The following RBM41 variants were observed in gnomAD, a reference collection of about 807,000 sequenced individuals.
RBM41 encodes the protein RNA binding motif protein 41.
In RBM41, 14 loss-of-function variants were observed where a neutral mutation model predicts 30.8. The observed-to-expected ratio is 0.45, with a 90% CI of 0.30 to 0.71. RBM41 has a LOEUF of 0.71. Ranked by LOEUF, RBM41 falls within the 30% of genes least tolerant of loss-of-function variation. The pLI is 0.08. For missense variants in RBM41, 276 were observed against 326.3 expected, an observed-to-expected ratio of 0.85 and a Z score of 1.19; for synonymous variants, 120 against 110.1, an observed-to-expected ratio of 1.09 and a Z score of -0.56.
In RBM41 at chrX:107,083,680, C is replaced by G. The variant is rs983351659; in HGVS notation, c.999+4756G>C. On this transcript the variant is annotated intron_variant, in intron 6 of 7. Transcript: ENST00000685964. Reference sequence around the variant, plus strand: ...TCCTTCCTTGGCTGTTTCCAACTTACTGATGAGCCTATCAAAGGCATTCTT... The same window carrying G: ...TCCTTCCTTGGCTGTTTCCAACTTAGTGATGAGCCTATCAAAGGCATTCTT... 4.5e-5 allele frequency among the ~76,000 whole-genome samples: 5 copies of G among 110,806 alleles called. No homozygotes were observed. In the Admixed American group the frequency reaches 4.8e-4, roughly 11 times the overall value.
the RBM41 span, among the ~76,000 whole-genome samples, chrX:107,056,309 CT>C: frequency 2.7e-5 from 3 of 111,658 alleles, no homozygotes; most frequent in Non-Finnish European, 5.6e-5. Flanking sequence ...TTCTTGAGGA[CT>C]TTTGTATCTG....
the RBM41 span, among the ~76,000 whole-genome samples, chrX:107,052,372 G>A: frequency 9.0e-6 from 1 of 111,283 alleles, no homozygotes; most frequent in Non-Finnish European, 1.9e-5. Context: ...GTGTTTAAAG[G>A]TGGACGCGGT....
At chrX:107,117,049 T>A (rs974154092) in intron 1 of RBM41, among the ~76,000 whole-genome samples, 5 of 112,093 alleles carry the variant, frequency 4.5e-5, no homozygotes, top group African/African-American at 1.6e-4. Flanking sequence ...TGTTTATGTG[T>A]TGTGTGCATG....
chrX:107,067,367 G>A lies in RBM41; in HGVS notation c.*160C>T. On this transcript the variant is annotated 3_prime_UTR_variant, in exon 8 of 8. Coordinates refer to ENST00000685964, the MANE Select transcript of RBM41 (RefSeq NM_001324242.2). Reference sequence around the variant, plus strand: ...AGTCTTCAATTATATAATAGAAAATGTTTTCTACCAGTTCTCTCCAAAAGC... The same window carrying A: ...AGTCTTCAATTATATAATAGAAAATATTTTCTACCAGTTCTCTCCAAAAGC... 1 of 1,073,009 alleles carries A rather than the reference G, an allele frequency of 9.3e-7. No homozygotes were observed. Among genetic ancestry groups the A allele is most frequent in the Non-Finnish European group, 1.2e-6 (1 of 828,755 alleles). 88.4% of individuals were successfully genotyped at this position (1,073,009 alleles called of 1,213,427 possible).
intron 6 of RBM41, among the ~76,000 whole-genome samples, chrX:107,076,316 CAAATAAATAAATAAAT>C (rs55848548): frequency 0.021 from 1,933 of 92,732 alleles, 76 homozygotes; most frequent in African/African-American, 0.072. Flanking sequence ...GACTCCGTCT[CAAATAAATAAATAAAT>C]AAATAAATAA....
chrX:107,115,962 T>C lies in RBM41; in HGVS notation c.218A>G (p.Gln73Arg). 8.3e-7 allele frequency: 1 copy of C among 1,210,685 alleles called. No individual in the cohort carries two copies. The highest frequency in any genetic ancestry group is 1.1e-6 in the Non-Finnish European group (1 of 894,858). Residue 73 changes from glutamine to arginine, a missense_variant, in exon 3 of 8, where the codon CAG becomes CGG. Transcript: ENST00000685964. ...AAGTMTLSQF[Q>R]TLHEKDQETA... ...TTCCTGGTCCTTCTCATGCAGTGTC[T>C]GGAATTGGGACAAAGTCATAGTCCC...
At chrX:107,111,140 T>C (rs1450713071) in intron 5 of RBM41, among the ~76,000 whole-genome samples, 2 of 111,533 alleles carry the variant, frequency 1.8e-5, no homozygotes, top group South Asian at 3.7e-4. Context: ...TTGCAAGTCA[T>C]ATATCTTATA....
At chrX:107,094,909 C>T (rs1922835273) in intron 5 of RBM41, among the ~76,000 whole-genome samples, 1 of 110,890 alleles carries the variant, frequency 9.0e-6, no homozygotes, top group Admixed American at 9.6e-5. Flanking sequence ...ACTATAAGGG[C>T]AGAAATTTAT....
chrX:107,055,378 G>A, the RBM41 span, among the ~76,000 whole-genome samples: 1 of 111,737 alleles, frequency 8.9e-6, no homozygotes, highest in South Asian at 3.8e-4. Context: ...AGGCTGGGGT[G>A]CAGTGGCACG....
At chrX:107,106,640 C>A (rs1454984240) in intron 5 of RBM41, among the ~76,000 whole-genome samples, 1 of 111,239 alleles carries the variant, frequency 9.0e-6, no homozygotes, top group East Asian at 2.8e-4. Context: ...CAATGATAGA[C>A]TGGATTAAGA....
chrX:107,083,046 T>C (rs747415447), intron 6 of RBM41, among the ~76,000 whole-genome samples: 5 of 111,066 alleles, frequency 4.5e-5, no homozygotes, highest in African/African-American at 1.6e-4. Context: ...ATTTTGCTTA[T>C]CTCTGGAGAA....
chrX:107,099,589 A>G (rs768971452), intron 5 of RBM41, among the ~76,000 whole-genome samples: 1 of 111,304 alleles, frequency 9.0e-6, no homozygotes, highest in Admixed American at 9.6e-5. Context: ...TCAATGTGTA[A>G]GAAGGTATCC....
chrX:107,093,533 C>A (rs142307871), intron 5 of RBM41, among the ~76,000 whole-genome samples: 1,196 of 111,546 alleles, frequency 0.011, 14 homozygotes, highest in African/African-American at 0.037. Flanking sequence ...AATATTTTGA[C>A]CTCAATGAAA....
downstream of RBM41, among the ~76,000 whole-genome samples, chrX:107,058,242 G>C (rs1428283553): frequency 2.0e-5 from 2 of 99,411 alleles, no homozygotes; most frequent in Non-Finnish European, 4.0e-5. Flanking sequence ...GCAGTGAGCA[G>C]AGATTGCGCC....
intron 5 of RBM41, among the ~76,000 whole-genome samples, chrX:107,096,016 C>CT (rs1922938383): frequency 9.0e-6 from 1 of 111,021 alleles, no homozygotes; most frequent in South Asian, 3.8e-4. Context: ...GACCCTGTCT[C>CT]TAAAAAATAA....
Position 107,065,615 on chromosome X carries a change from AGAGT to A in RBM41, c.*1908_*1911del, listed in dbSNP as rs1453426500. The A allele has an allele frequency of 2.9e-5, 14 of 483,375 alleles. No individual in the cohort carries two copies. Among genetic ancestry groups the A allele is most frequent in the Non-Finnish European group, 4.0e-5 (13 of 321,860 alleles). The allele number at this position is 483,375 out of a possible 1,213,427, so 39.8% of individuals were successfully genotyped here. On this transcript the variant is annotated 3_prime_UTR_variant, in exon 8 of 8. Transcript: ENST00000685964. ...TACATCTTTAAAAGAAGCTGAGAGA[AGAGT>A]AAGTATATGTTTATAGTTTTTTTAT...
Position 107,069,294 on chromosome X carries a change from T to C in RBM41, c.1108A>G (p.Thr370Ala). The C allele has an allele frequency of 8.3e-7, 1 of 1,209,832 alleles. No individual in the cohort carries two copies. Among genetic ancestry groups the C allele is most frequent in the Non-Finnish European group, 1.1e-6 (1 of 894,866 alleles). Residue 370 changes from threonine (T) to alanine (A), a missense_variant, in exon 7 of 8, where the codon ACT becomes GCT. Coordinates refer to ENST00000685964, the MANE Select transcript of RBM41 (RefSeq NM_001324242.2). ...AAAGCCTGGCCCCTCATTCGTCCAG[T>C]CATCATTCGGAATTGAATTGGAGGT... is the stretch of plus-strand genomic sequence containing the variant. Reference protein sequence around the residue: ...KGPPIQFRMMTGRMRGQAFIT... With the variant: ...KGPPIQFRMMAGRMRGQAFIT...
chrX:107,097,879 A>C (rs1485580645), intron 5 of RBM41, among the ~76,000 whole-genome samples: 1 of 111,582 alleles, frequency 9.0e-6, no homozygotes, highest in Non-Finnish European at 1.9e-5. Context: ...TATGGAAACA[A>C]AGGCTTGGGG....
chrX:107,118,684 C>T (rs7885219), intron 1 of RBM41, 82 bp downstream of exon 1: 1 of 1,161,654 alleles, frequency 8.6e-7, no homozygotes, highest in African/African-American at 1.8e-5. Context: ...AATACCCAAA[C>T]CAGAAAGCAA....
Sources: allele counts gnomAD v4.1 joint callset (sites outside exome capture counted in the v4.1 genomes callset), GRCh38; gene constraint gnomAD v4.1.1; transcripts MANE v1.5; gene names NCBI Gene and HGNC (gene_info 2026-07-23, HGNC 2026-07-21).